Variants in CNTN3 observed in about 807,000 individuals in gnomAD.
CNTN3 encodes contactin-3.
Under a neutral mutation model 119.1 loss-of-function variants are expected in CNTN3, and 60 were observed. The ratio of observed to expected loss-of-function variants is 0.50; its 90% CI spans 0.41 to 0.62. The LOEUF is 0.62. CNTN3 is among the 20% of genes least tolerant of loss of function. The probability of loss-of-function intolerance (pLI) is 0.00; values close to 1 mark genes in which losing one functional copy is unlikely to be tolerated. For missense variants in CNTN3, 1,101 were observed against 1,242.4 expected, an observed-to-expected ratio of 0.89 and a Z score of 1.71; for synonymous variants, 450 against 438.7, an observed-to-expected ratio of 1.03 and a Z score of -0.32.
chr3:74,334,160 A>G (rs2106706451), intron 13 of CNTN3, among the ~76,000 whole-genome samples: 1 of 152,356 alleles, frequency 6.6e-6, no homozygotes, highest in Middle Eastern at 3.4e-3. Flanking sequence ...AACATTAGAA[A>G]GCATTTGTGT....
At chr3:74,578,737 T>C (rs551203314) in intron 1 of CNTN3, among the ~76,000 whole-genome samples, 1 of 152,196 alleles carries the variant, frequency 6.6e-6, no homozygotes, top group East Asian at 1.9e-4. Context: ...GCCTTGATTT[T>C]CAAACCCTGT....
chr3:74,424,859 G>T lies in CNTN3; in HGVS notation c.440C>A (p.Pro147Gln), dbSNP rs1054280757. Residue 147 changes from proline (P) to glutamine (Q), a missense_variant, in exon 5 of 23, where the codon CCA (proline) becomes CAA (glutamine). Coordinates refer to ENST00000263665, the MANE Select transcript of CNTN3 (RefSeq NM_020872.3). The part of the protein sequence containing the change: ...GQGVVLLCGP[P>Q]PHSGELSYAW... ...GCATGACTTACCTCCAGAGTGTGGT[G>T]GGGGGCCGCAGAGCAGCACAACTCC... 5.6e-6 allele frequency: 9 copies of T among 1,612,846 alleles called. No homozygotes were observed. The highest frequency in any genetic ancestry group is 7.6e-6 in the Non-Finnish European group (9 of 1,179,260).
intron 13 of CNTN3, among the ~76,000 whole-genome samples, chr3:74,316,730 A>G (rs1018170363): frequency 6.6e-6 from 1 of 151,944 alleles, no homozygotes; most frequent in Non-Finnish European, 1.5e-5. Flanking sequence ...TCGAGACCAT[A>G]CTGGCTAACA....
At position 74,451,960 on chromosome 3, in the gene CNTN3, C is replaced by G. The variant is rs1487091724; in HGVS notation, c.359-27020G>C. Among the ~76,000 whole-genome samples, 2 of 124,136 alleles carry G rather than the reference C, an allele frequency of 1.6e-5. 1 individual carries two copies. The highest frequency in any genetic ancestry group is 6.9e-5 in the African/African-American group (2 of 29,134). 81.4% of individuals were successfully genotyped at this position (124,136 alleles called of 152,430 possible). On this transcript the variant is annotated intron_variant, in intron 4 of 22. Transcript: ENST00000263665. ...AAGTCAGGTAGCGTGAGGCCTCCAG[C>G]TTTGTTCTTTTGGCTTAGGATTGAC...
At chr3:74,453,601 T>C (rs1321817543) in intron 4 of CNTN3, among the ~76,000 whole-genome samples, 6 of 151,672 alleles carry the variant, frequency 4.0e-5, no homozygotes, top group Non-Finnish European at 8.8e-5. Flanking sequence ...CTTTTAATTG[T>C]GATGTTAGGG....
At chr3:74,583,881 C>A (rs1704553538) in intron 1 of CNTN3, among the ~76,000 whole-genome samples, 1 of 152,176 alleles carries the variant, frequency 6.6e-6, no homozygotes, top group Non-Finnish European at 1.5e-5. Flanking sequence ...TTGTTCCAAG[C>A]ATAGGCTTTA....
At chr3:74,582,278 C>A (rs1048617937) in intron 1 of CNTN3, among the ~76,000 whole-genome samples, 3 of 151,738 alleles carry the variant, frequency 2.0e-5, no homozygotes, top group Non-Finnish European at 4.4e-5. Context: ...TGGTGGCGGG[C>A]GCCTGTAGTC....
At chr3:74,299,684 A>T (rs1575707361) in intron 17 of CNTN3, among the ~76,000 whole-genome samples, 184 bp downstream of exon 17, 1 of 152,164 alleles carries the variant, frequency 6.6e-6, no homozygotes, top group South Asian at 2.1e-4. Flanking sequence ...AACCACCACC[A>T]CCAGCCCCAC....
chr3:74,508,111 C>T (rs1009069760), intron 2 of CNTN3, among the ~76,000 whole-genome samples: 4 of 152,224 alleles, frequency 2.6e-5, no homozygotes, highest in Admixed American at 6.5e-5. Flanking sequence ...TCCCCATAAT[C>T]CCCATGTGTT....
intron 1 of CNTN3, among the ~76,000 whole-genome samples, chr3:74,526,086 A>G (rs1703614625): frequency 6.6e-6 from 1 of 151,784 alleles, no homozygotes. Context: ...AAAGAGAAAA[A>G]CCCTACAGCA....
At chr3:74,347,833 A>C (rs1443820785) in intron 11 of CNTN3, among the ~76,000 whole-genome samples, 1 of 152,208 alleles carries the variant, frequency 6.6e-6, no homozygotes, top group Non-Finnish European at 1.5e-5. Flanking sequence ...ATGGATGACT[A>C]AAGAAAATGT....
chr3:74,474,105 C>T lies in CNTN3; in HGVS notation c.358+12351G>A, dbSNP rs1336919030. Among the ~76,000 whole-genome samples the T allele has an allele frequency of 2.0e-5, 3 of 151,956 alleles. 1 individual carries two copies. The highest frequency in any genetic ancestry group is 4.2e-4 in the South Asian group (2 of 4,816). ...CAGGATATGTCAGAAGCTATTGCCA[C>T]GGGGGAGGTGAGAGGCGAGCTGACT... On this transcript the variant is annotated intron_variant, in intron 4 of 22. Coordinates refer to ENST00000263665, the MANE Select transcript of CNTN3 (RefSeq NM_020872.3).
At chr3:74,332,021 A>G (rs1196096927) in intron 13 of CNTN3, among the ~76,000 whole-genome samples, 1 of 152,212 alleles carries the variant, frequency 6.6e-6, no homozygotes, top group African/African-American at 2.4e-5. Context: ...GTTCAAAGCT[A>G]TGAGTTGTAT....
chr3:74,585,124 T>C (rs1704573135), intron 1 of CNTN3, among the ~76,000 whole-genome samples: 2 of 152,184 alleles, frequency 1.3e-5, no homozygotes, highest in South Asian at 2.1e-4. Context: ...AAGTGGCATA[T>C]CTACGTTTAA....
At chr3:74,370,956 G>T (rs1027206674) in intron 6 of CNTN3, among the ~76,000 whole-genome samples, 4 of 152,012 alleles carry the variant, frequency 2.6e-5, no homozygotes, top group Admixed American at 1.3e-4. Context: ...TGAAAAAGGG[G>T]CCACTCATTT....
At chr3:74,297,431 T>C (rs1313018713) in intron 18 of CNTN3, among the ~76,000 whole-genome samples, 1 of 151,028 alleles carries the variant, frequency 6.6e-6, no homozygotes, top group Non-Finnish European at 1.5e-5. Context: ...TCTGTGTCCA[T>C]TTCCAAAGGT....
At chr3:74,266,714 T>C in intron 21 of CNTN3, 65 bp from the exon 22 acceptor site, 1 of 1,460,726 alleles carries the variant, frequency 6.8e-7, no homozygotes, top group Non-Finnish European at 9.5e-7. Context: ...TCATAGAATT[T>C]GTCTCTCTGA....
chr3:74,328,037 T>C (rs988941383), intron 13 of CNTN3, among the ~76,000 whole-genome samples: 2 of 151,848 alleles, frequency 1.3e-5, no homozygotes, highest in Non-Finnish European at 2.9e-5. Context: ...TTCATGTACA[T>C]ATGTTTTGTT....
chr3:74,555,601 G>T (rs576232192), intron 1 of CNTN3, among the ~76,000 whole-genome samples: 1 of 152,232 alleles, frequency 6.6e-6, no homozygotes, highest in South Asian at 2.1e-4. Context: ...CCTGTTATTG[G>T]CCTATTCACA....
Sources: allele counts gnomAD v4.1 joint callset (sites outside exome capture counted in the v4.1 genomes callset), GRCh38; gene constraint gnomAD v4.1.1; transcripts MANE v1.5; gene names NCBI Gene and HGNC (gene_info 2026-07-23, HGNC 2026-07-21).